The following PRELID2 variants were observed in gnomAD, a reference collection of about 807,000 sequenced individuals.
PRELID2 encodes the protein PRELI domain containing 2.
In PRELID2, 25 loss-of-function variants were observed where a neutral mutation model predicts 28.4. The observed-to-expected ratio is 0.88, with a 90% CI of 0.64 to 1.23. The LOEUF is 1.23. PRELID2 is among the 50% of genes most tolerant of loss of function. The pLI, the probability that PRELID2 is intolerant of heterozygous loss-of-function variation, is 0.00. For synonymous variants in PRELID2, 76 were observed against 71.6 expected (o/e 1.06, Z -0.31); for missense variants, 201 against 214.4 (o/e 0.94, Z 0.39).
the PRELID2 span, among the ~76,000 whole-genome samples, chr5:145,454,601 G>C: frequency 6.6e-6 from 1 of 151,988 alleles, no homozygotes; most frequent in Non-Finnish European, 1.5e-5. Flanking sequence ...ACAAAATCAA[G>C]GTATAAAAAT....
chr5:145,649,334 T>A (rs972428217), intron 1 of PRELID2, among the ~76,000 whole-genome samples: 10 of 152,142 alleles, frequency 6.6e-5, no homozygotes, highest in African/African-American at 2.4e-4. Flanking sequence ...TATACAGAGA[T>A]GACAGTATTC....
At chr5:145,793,172 T>C (rs1250176432) in intron 5 of PRELID2, among the ~76,000 whole-genome samples, 1 of 152,060 alleles carries the variant, frequency 6.6e-6, no homozygotes, top group Non-Finnish European at 1.5e-5. Context: ...TTAAGAGTGA[T>C]GAAGGAAGGA....
At chr5:145,645,424 T>C (rs1056779268) in intron 1 of PRELID2, among the ~76,000 whole-genome samples, 3 of 149,114 alleles carry the variant, frequency 2.0e-5, no homozygotes, top group African/African-American at 7.4e-5. Context: ...TTGAGCCTAC[T>C]TGTGTCTTTG....
chr5:145,639,039 A>G lies in PRELID2; in HGVS notation n.70+125892T>C, dbSNP rs370116093. 3.7e-4 allele frequency among the ~76,000 whole-genome samples: 57 copies of G among 152,360 alleles called. No homozygotes were observed. In the South Asian group the frequency reaches 0.011, roughly 30 times the overall value. On this transcript the variant is annotated intron_variant and non_coding_transcript_variant, in intron 1 of 2. Coordinates refer to the PRELID2 transcript ENST00000510259. ...TTTGGACCTAAGAGTATATTCTTCA[A>G]GATAATCAGTAGTCAAATAAACAGC...
At chr5:145,518,023 G>C (rs908808362) in intron 1 of PRELID2, among the ~76,000 whole-genome samples, 9 of 152,032 alleles carry the variant, frequency 5.9e-5, no homozygotes, top group Admixed American at 2.0e-4. Context: ...GATAGCATTA[G>C]GAGAAATACC....
At chr5:145,373,117 T>A in the PRELID2 span, among the ~76,000 whole-genome samples, 1 of 48,346 alleles carries the variant, frequency 2.1e-5, no homozygotes, top group Non-Finnish European at 3.3e-5. Context: ...ACAACATATA[T>A]AATATACATG....
chr5:145,238,929 G>A, the PRELID2 span, among the ~76,000 whole-genome samples: 3 of 151,916 alleles, frequency 2.0e-5, no homozygotes, highest in East Asian at 1.9e-4. Flanking sequence ...CCTAATACTA[G>A]TTTATATTAA....
intron 5 of PRELID2, among the ~76,000 whole-genome samples, chr5:145,791,878 G>A (rs552932891): frequency 3.9e-4 from 59 of 152,260 alleles, no homozygotes; most frequent in African/African-American, 1.3e-3. Context: ...TGGGTGAAAC[G>A]TTAGCTAACA....
chr5:145,715,732 C>T (rs1387043233), intron 1 of PRELID2, among the ~76,000 whole-genome samples: 1 of 152,158 alleles, frequency 6.6e-6, no homozygotes, highest in East Asian at 1.9e-4. Flanking sequence ...TAGTCATGCT[C>T]CAGAAATGTT....
In PRELID2 at chr5:145,488,062, T is replaced by C. The variant is rs1359569108; in HGVS notation, n.71-14747A>G. 3.6e-5 allele frequency among the ~76,000 whole-genome samples: 5 copies of C among 137,480 alleles called. No homozygotes were observed. The East Asian group carries it at 1.1e-3, about 31-fold the overall frequency. The allele number at this position is 137,480 out of a possible 152,430, so 90.2% of individuals were successfully genotyped here. ...TCGCTTGAACCCGGGAGGGAGAGGT[T>C]GCAGTGAGCCGAGATCACACCACTG... is the stretch of plus-strand genomic sequence containing the variant. On this transcript the variant is annotated intron_variant and non_coding_transcript_variant, in intron 1 of 2. Transcript: ENST00000510259.
the PRELID2 span, among the ~76,000 whole-genome samples, chr5:145,281,833 C>T: frequency 6.6e-6 from 1 of 152,066 alleles, no homozygotes; most frequent in East Asian, 1.9e-4. Context: ...GTCTCAGATC[C>T]ACAATAAATA....
the PRELID2 span, among the ~76,000 whole-genome samples, chr5:145,406,028 C>G: frequency 1.3e-5 from 2 of 152,128 alleles, no homozygotes; most frequent in African/African-American, 4.8e-5. Context: ...TTTAAACAAC[C>G]AGATCTTACA....
At position 145,627,634 on chromosome 5, in the gene PRELID2, ACTACCT is replaced by A. The variant is rs147801666; in HGVS notation, n.70+137291_70+137296del. Among the ~76,000 whole-genome samples, 902 of 152,296 alleles carry A rather than the reference ACTACCT, an allele frequency of 5.9e-3. 12 individuals carry two copies. The highest frequency in any genetic ancestry group is 0.02 in the African/African-American group (835 of 41,556). ...CCTGATCTCCCTACATCAACCCTGG[ACTACCT>A]CTCTCACATAACAAAGCTCTTCTCA... On this transcript the variant is annotated intron_variant and non_coding_transcript_variant, in intron 1 of 2. Transcript: ENST00000510259.
chr5:145,340,755 C>T, the PRELID2 span, among the ~76,000 whole-genome samples: 3 of 122,274 alleles, frequency 2.5e-5, no homozygotes, highest in African/African-American at 9.1e-5. Context: ...GAGTGAGACC[C>T]TGCCTAAAAA....
At chr5:145,797,569 T>C (rs1477284940) in intron 4 of PRELID2, among the ~76,000 whole-genome samples, 3 of 152,120 alleles carry the variant, frequency 2.0e-5, no homozygotes, top group Non-Finnish European at 4.4e-5. Context: ...GAGCCTGCAG[T>C]ACCTCAGACA....
intron 1 of PRELID2, among the ~76,000 whole-genome samples, chr5:145,633,446 A>G (rs899549311): frequency 1.3e-5 from 2 of 152,122 alleles, no homozygotes; most frequent in Non-Finnish European, 1.5e-5. Flanking sequence ...TCTAGTTCAC[A>G]TTTTCCTGGC....
At chr5:145,481,650 A>AG (rs1752162689) in intron 1 of PRELID2, among the ~76,000 whole-genome samples, 2 of 117,896 alleles carry the variant, frequency 1.7e-5, no homozygotes, top group East Asian at 2.2e-4. Flanking sequence ...AAAAAAAAAA[A>AG]AAAGAAAGAA....
At chr5:145,271,452 G>A in the PRELID2 span, among the ~76,000 whole-genome samples, 1 of 152,208 alleles carries the variant, frequency 6.6e-6, no homozygotes, top group East Asian at 1.9e-4. Flanking sequence ...CTAGGCTCAA[G>A]TGATCCTCCT....
the PRELID2 span, chr5:145,230,174 C>CAGTTG: frequency 2.5e-6 from 1 of 403,612 alleles, no homozygotes; most frequent in Non-Finnish European, 4.7e-6. Context: ...CCTAGTGGGG[C>CAGTTG]TGCCAGGCCC....
Sources: gnomAD v4.1 joint callset for allele counts (sites outside exome capture counted in the v4.1 genomes callset) on GRCh38, gnomAD v4.1.1 for gene constraint, MANE v1.5 for transcripts, NCBI Gene and HGNC (gene_info 2026-07-23, HGNC 2026-07-21) for gene names.